Variants in ZNF410 observed in about 807,000 individuals in gnomAD.
ZNF410 encodes zinc finger protein 410, also known as another partner for ARF 1.
In ZNF410, 18 loss-of-function variants were observed where a neutral mutation model predicts 54.8. That is an observed-to-expected ratio of 0.33 (90% CI 0.23 to 0.49). The LOEUF is 0.49. ZNF410 is among the 20% of genes least tolerant of loss of function. ZNF410 has a pLI of 0.99. For missense variants in ZNF410, 405 were observed against 569.6 expected (o/e 0.71, Z 2.94); for synonymous variants, 191 against 207.3 (o/e 0.92, Z 0.68).
At chr14:73,901,671 C>T (rs938606697) in intron 5 of ZNF410, among the ~76,000 whole-genome samples, 4 of 151,740 alleles carry the variant, frequency 2.6e-5, no homozygotes, top group Admixed American at 6.6e-5. Flanking sequence ...TGGCTCATGC[C>T]TGTAATCCCA....
intron 5 of ZNF410, among the ~76,000 whole-genome samples, chr14:73,899,089 T>C (rs1307009535): frequency 1.3e-5 from 2 of 152,144 alleles, no homozygotes; most frequent in Non-Finnish European, 2.9e-5. Context: ...ATGCTATCAT[T>C]ATCACAAACT....
At chr14:73,906,695 T>A (rs774057306) in intron 7 of ZNF410, among the ~76,000 whole-genome samples, 2 of 152,084 alleles carry the variant, frequency 1.3e-5, no homozygotes, top group Non-Finnish European at 2.9e-5. Context: ...GCCAGGCTGT[T>A]CTCGAATTCC....
intron 8 of ZNF410, among the ~76,000 whole-genome samples, chr14:73,912,102 A>G (rs17182675): frequency 0.11 from 17,122 of 151,904 alleles, 1,266 homozygotes; most frequent in Admixed American, 0.19. Flanking sequence ...TTGGTTGTCA[A>G]AATTGATCCA....
chr14:73,891,803 G>C (rs774490841), intron 1 of ZNF410: 348 of 551,994 alleles, frequency 6.3e-4, no homozygotes, highest in South Asian at 1.1e-3. Flanking sequence ...ATTTAAGATA[G>C]TTTTTTAGAT....
chr14:73,903,826 A>G, intron 5 of ZNF410, 134 bp from the exon 6 acceptor site: 2 of 1,242,586 alleles, frequency 1.6e-6, no homozygotes, highest in East Asian at 2.3e-5. Context: ...AGTGCATACA[A>G]AGATAACTGG....
At chr14:73,925,377 G>A (rs1465149312) in intron 11 of ZNF410, among the ~76,000 whole-genome samples, 2 of 151,354 alleles carry the variant, frequency 1.3e-5, no homozygotes, top group African/African-American at 2.4e-5. Context: ...ATAAACCCAC[G>A]TCGAAGTCGA....
chr14:73,904,110 G>A lies in ZNF410; in HGVS notation c.731G>A (p.Arg244Gln), dbSNP rs757856614. The change falls in exon 6 of 12, where the codon CGA (arginine) becomes CAA (glutamine). Residue 244 changes from arginine (R) to glutamine (Q), a missense_variant and splice_region_variant. Physicochemically the swap from Arg to Gln is conservative, Grantham distance 43 (BLOSUM62 1). Around this residue, in one of 3 missense-constraint regions of ZNF410, gnomAD observed 247 missense variants for 342.8 expected, o/e 0.72. Coordinates refer to ENST00000555044, the MANE Select transcript of ZNF410 (RefSeq NM_021188.3). ...TTTAAATACCACCTCAAGACTCATC[G>A]GTGAGCAAATCCGAGATCTCATATT... ...AHFKYHLKTH[R>Q]NDRSFICPAE... 2 of 1,611,576 alleles carry A rather than the reference G, an allele frequency of 1.2e-6. No individual in the cohort carries two copies. The highest frequency in any genetic ancestry group is 1.1e-5 in the South Asian group (1 of 90,522).
chr14:73,904,971 G>C lies in ZNF410; in HGVS notation c.801G>C (p.Lys267Asn). The C allele has an allele frequency of 6.2e-7, 1 of 1,614,198 alleles. No individual in the cohort carries two copies. Among genetic ancestry groups the C allele is most frequent in the Non-Finnish European group, 8.5e-7 (1 of 1,180,040 alleles). ...GCTTCTATGTGCTGCAGAGGCTGAAGGTGCACATGAGGACCCACAATGGAG... is the reference window on the plus strand; with the variant it reads ...GCTTCTATGTGCTGCAGAGGCTGAACGTGCACATGAGGACCCACAATGGAG... The part of the protein sequence containing the change: ...GKSFYVLQRL[K>N]VHMRTHNGEK... Residue 267 changes from lysine to asparagine, a missense_variant, in exon 7 of 12, where the codon AAG becomes AAC. Lys to Asn is a moderately conservative substitution (Grantham distance 94). This residue lies in a region of ZNF410 where 247 missense variants were observed against 342.8 expected (regional missense o/e 0.72). Transcript: ENST00000555044.
chr14:73,905,926 CACAT>C lies in ZNF410; in HGVS notation c.913+853_913+856del, dbSNP rs747313074. 1.3e-4 allele frequency among the ~76,000 whole-genome samples: 19 copies of C among 144,048 alleles called. No homozygotes were observed. The East Asian group carries it at 1.8e-3, about 14-fold the overall frequency. The allele number at this position is 144,048 out of a possible 152,430, so 94.5% of individuals were successfully genotyped here. On this transcript the variant is annotated intron_variant, in intron 7 of 11. Coordinates refer to ENST00000555044, the MANE Select transcript of ZNF410 (RefSeq NM_021188.3). ...ACATATATACACATACATATATATA[CACAT>C]ACATACATATATATACACACACACA...
chr14:73,923,378 T>C lies in ZNF410; in HGVS notation c.1271-17T>C. The C allele has an allele frequency of 6.2e-7, 1 of 1,608,604 alleles. No homozygotes were observed. The highest frequency in any genetic ancestry group is 8.5e-7 in the Non-Finnish European group (1 of 1,177,616). Reference sequence around the variant, plus strand: ...TGGATTCACTTTTCATTGAAACATTTTTCTGTTGCTTCACAGAGGTGCTTG... The same window carrying C: ...TGGATTCACTTTTCATTGAAACATTCTTCTGTTGCTTCACAGAGGTGCTTG... On this transcript the variant is annotated splice_polypyrimidine_tract_variant and intron_variant, in intron 10 of 11. Coordinates refer to ENST00000555044, the MANE Select transcript of ZNF410 (RefSeq NM_021188.3).
intron 11 of ZNF410, chr14:73,927,154 C>T (rs996711697): frequency 4.7e-5 from 11 of 232,982 alleles, no homozygotes; most frequent in African/African-American, 9.4e-5. Flanking sequence ...GGCACCATCT[C>T]GGCTCACTGC....
intron 8 of ZNF410, chr14:73,916,725 G>A (rs1387699788): frequency 6.6e-6 from 1 of 152,012 alleles, no homozygotes; most frequent in Non-Finnish European, 1.5e-5. Context: ...TGTAATCTTG[G>A]CACTTTGGGA....
chr14:73,901,190 A>G (rs2055400577), intron 5 of ZNF410, among the ~76,000 whole-genome samples: 1 of 152,350 alleles, frequency 6.6e-6, no homozygotes, highest in South Asian at 2.1e-4. Context: ...TGTTTTTATA[A>G]TTAAAGTTTT....
At position 73,904,127 on chromosome 14, in the gene ZNF410, T is replaced by TA; in HGVS notation, c.731+17_731+18insA. On this transcript the variant is annotated intron_variant, in intron 6 of 11. Transcript: ENST00000555044. ...GACTCATCGGTGAGCAAATCCGAGA[T>TA]CTCATATTTGGATATACGTTGATGC... 6.2e-7 allele frequency: 1 copy of TA among 1,610,576 alleles called. No homozygotes were observed. Among genetic ancestry groups the TA allele is most frequent in the Non-Finnish European group, 8.5e-7 (1 of 1,178,172 alleles).
chr14:73,903,028 A>C (rs2055431023), intron 5 of ZNF410, among the ~76,000 whole-genome samples: 1 of 152,238 alleles, frequency 6.6e-6, no homozygotes, highest in South Asian at 2.1e-4. Flanking sequence ...CAGAATGACA[A>C]GAAATAGCCA....
At chr14:73,910,374 A>G (rs554351274) in intron 8 of ZNF410, among the ~76,000 whole-genome samples, 2 of 152,336 alleles carry the variant, frequency 1.3e-5, no homozygotes, top group South Asian at 4.1e-4. Context: ...CAACTCCACA[A>G]ATGATTGGCT....
intron 5 of ZNF410, among the ~76,000 whole-genome samples, chr14:73,899,319 A>G (rs1175596610): frequency 6.6e-6 from 1 of 150,536 alleles, no homozygotes; most frequent in Non-Finnish European, 1.5e-5. Flanking sequence ...CTGTTGCCAG[A>G]CAGGTCTCAA....
In ZNF410 at chr14:73,886,872, A is replaced by T. The variant is rs1398271460; in HGVS notation, c.-193A>T. 6.5e-6 allele frequency: 1 copy of T among 152,842 alleles called. No homozygotes were observed. The highest frequency in any genetic ancestry group is 2.4e-5 in the African/African-American group (1 of 41,464). 9.5% of individuals were successfully genotyped at this position (152,842 alleles called of 1,614,324 possible). Reference sequence around the variant, plus strand: ...CCGGAAGACGCTGTGTGTGGACGGAATTCGGGACCGACTGACGGCCGGCCG... The same window carrying T: ...CCGGAAGACGCTGTGTGTGGACGGATTTCGGGACCGACTGACGGCCGGCCG... On this transcript the variant is annotated 5_prime_UTR_variant, in exon 1 of 12. Coordinates refer to ENST00000555044, the MANE Select transcript of ZNF410 (RefSeq NM_021188.3).
At chr14:73,889,198 A>T (rs2055185996) in intron 1 of ZNF410, among the ~76,000 whole-genome samples, 1 of 152,006 alleles carries the variant, frequency 6.6e-6, no homozygotes, top group Non-Finnish European at 1.5e-5. Flanking sequence ...TTTTTTTGAG[A>T]CAGCCTCCAT....
Sources: allele counts gnomAD v4.1 joint callset (sites outside exome capture counted in the v4.1 genomes callset), GRCh38; gene constraint gnomAD v4.1.1; regional missense constraint gnomAD v4.1.1; transcripts MANE v1.5; gene names NCBI Gene and HGNC (gene_info 2026-07-23, HGNC 2026-07-21).